The following CERT1 variants were observed in gnomAD, a reference collection of about 807,000 sequenced individuals.
CERT1 encodes the protein ceramide transfer protein.
In CERT1, 31 loss-of-function variants were observed where a neutral mutation model predicts 87.9. The observed-to-expected ratio is 0.35, with a 90% CI of 0.27 to 0.48. The LOEUF (loss-of-function observed/expected upper bound fraction) is 0.48. Ranked by LOEUF, CERT1 falls within the 20% of genes least tolerant of loss-of-function variation. The probability of loss-of-function intolerance (pLI) is 0.99; values close to 1 mark genes in which losing one functional copy is unlikely to be tolerated. For synonymous variants in CERT1, 289 were observed against 250.9 expected, an observed-to-expected ratio of 1.15 and a Z score of -1.44; for missense variants, 487 against 758.0, an observed-to-expected ratio of 0.64 and a Z score of 4.20.
chr5:75,395,841 C>G (rs1001223859), intron 11 of CERT1, among the ~76,000 whole-genome samples: 3 of 151,968 alleles, frequency 2.0e-5, no homozygotes, highest in Non-Finnish European at 4.4e-5. Context: ...CAGAATGAGA[C>G]TCTGTCTCAA....
At chr5:75,417,382 A>C (rs1218055915) in intron 6 of CERT1, among the ~76,000 whole-genome samples, 2 of 152,166 alleles carry the variant, frequency 1.3e-5, no homozygotes, top group African/African-American at 4.8e-5. Flanking sequence ...TATTATTTTG[A>C]AAAGCCTAGA....
chr5:75,471,322 G>A (rs1033791798), intron 2 of CERT1, among the ~76,000 whole-genome samples: 1 of 152,122 alleles, frequency 6.6e-6, no homozygotes. Flanking sequence ...GAATACTTTA[G>A]ACAATTATTA....
At chr5:75,388,434 C>T (rs903422735) in intron 12 of CERT1, among the ~76,000 whole-genome samples, 4 of 151,710 alleles carry the variant, frequency 2.6e-5, no homozygotes, top group African/African-American at 9.7e-5. Flanking sequence ...TCACCCTTGT[C>T]ACAACTTTCT....
chr5:75,374,791 C>A, downstream of CERT1: 1 of 542,506 alleles, frequency 1.8e-6, no homozygotes, highest in East Asian at 4.8e-5. Context: ...CCCCATGACC[C>A]CCACCAAAGC....
chr5:75,391,016 A>C (rs765954815), intron 11 of CERT1, among the ~76,000 whole-genome samples: 12 of 151,858 alleles, frequency 7.9e-5, no homozygotes, highest in Non-Finnish European at 1.5e-4. Context: ...CCCAGACTGC[A>C]GTACAGTAGT....
chr5:75,464,265 G>T (rs1297805383), intron 2 of CERT1, among the ~76,000 whole-genome samples: 1 of 152,086 alleles, frequency 6.6e-6, no homozygotes, highest in Admixed American at 6.6e-5. Context: ...CATGGATGGA[G>T]CTGAGACCAG....
chr5:75,426,574 T>C (rs995018901), intron 3 of CERT1, 96 bp from the exon 4 acceptor site: 9 of 835,366 alleles, frequency 1.1e-5, no homozygotes, highest in South Asian at 1.6e-5. Context: ...ATTATAACAA[T>C]TGGCAGTCTG....
chr5:75,459,023 T>C (rs1244606505), intron 3 of CERT1, 42 bp downstream of exon 3: 2 of 1,135,104 alleles, frequency 1.8e-6, no homozygotes, highest in Admixed American at 3.8e-5. Flanking sequence ...CAACAATCTC[T>C]TACCTAGTCC....
chr5:75,380,774 T>C (rs542268092), intron 16 of CERT1, among the ~76,000 whole-genome samples: 14 of 93,628 alleles, frequency 1.5e-4, no homozygotes, highest in African/African-American at 6.1e-4. Flanking sequence ...CGAGACTCCA[T>C]CTCAAAAAAA....
In CERT1 at chr5:75,484,517, T is replaced by A. The variant is rs368865608; in HGVS notation, c.231+21465A>T. 1.4e-3 allele frequency among the ~76,000 whole-genome samples: 198 copies of A among 144,718 alleles called. 1 individual carries two copies. The highest frequency in any genetic ancestry group is 4.8e-3 in the African/African-American group (190 of 39,640). The allele number at this position is 144,718 out of a possible 152,430, so 94.9% of individuals were successfully genotyped here. A position where few individuals can be genotyped will look rare whatever the true frequency, so the allele number is the denominator to read the frequency against. On this transcript the variant is annotated intron_variant, in intron 2 of 16. Coordinates refer to ENST00000643780, the MANE Select transcript of CERT1 (RefSeq NM_001379029.1). ...TGTTGCCTACAAGAAATACACGTCA[T>A]CTATAAAGACACAGACTGAAAATAA...
At chr5:75,371,443 G>A (rs764670863) in intron 17 of CERT1, 3 of 152,210 alleles carry the variant, frequency 2.0e-5, no homozygotes, top group Non-Finnish European at 4.4e-5. Flanking sequence ...AATAGCAATT[G>A]ACACTGAAGT....
intron 3 of CERT1, among the ~76,000 whole-genome samples, chr5:75,434,037 A>C (rs183659844): frequency 6.6e-5 from 10 of 152,046 alleles, no homozygotes; most frequent in Non-Finnish European, 1.2e-4. Context: ...GTTCAATAGG[A>C]GTGGTGAGAG....
At chr5:75,491,117 G>A (rs1766774431) in intron 2 of CERT1, among the ~76,000 whole-genome samples, 1 of 152,174 alleles carries the variant, frequency 6.6e-6, no homozygotes, top group South Asian at 2.1e-4. Context: ...ATAAACTAAA[G>A]GAAAGGATTT....
chr5:75,499,079 C>A (rs566046223), intron 2 of CERT1, among the ~76,000 whole-genome samples: 1 of 152,258 alleles, frequency 6.6e-6, no homozygotes, highest in South Asian at 2.1e-4. Context: ...CAATTTCTCC[C>A]ATTTGGAATA....
chr5:75,411,299 CTATT>C (rs1762925874), intron 7 of CERT1, among the ~76,000 whole-genome samples, 196 bp from the exon 8 acceptor site: 2 of 148,310 alleles, frequency 1.3e-5, no homozygotes, highest in South Asian at 4.7e-4. Flanking sequence ...TTACAACCTA[CTATT>C]TATGTATGTA....
intron 2 of CERT1, among the ~76,000 whole-genome samples, chr5:75,496,307 A>C (rs1376225703): frequency 6.6e-6 from 1 of 152,066 alleles, no homozygotes; most frequent in East Asian, 1.9e-4. Context: ...AAAAACCCAA[A>C]AAATGTGACA....
intron 4 of CERT1, 103 bp downstream of exon 4, chr5:75,426,268 T>C: frequency 1.5e-6 from 1 of 673,776 alleles, no homozygotes; most frequent in East Asian, 2.7e-5. Flanking sequence ...AATTATACTA[T>C]AAAAAAGTTT....
At chr5:75,499,091 G>A (rs1767219104) in intron 2 of CERT1, among the ~76,000 whole-genome samples, 1 of 152,172 alleles carries the variant, frequency 6.6e-6, no homozygotes, top group Non-Finnish European at 1.5e-5. Flanking sequence ...TTTGGAATAG[G>A]TGTATTTACC....
chr5:75,502,249 C>T (rs967220509), intron 2 of CERT1, among the ~76,000 whole-genome samples: 9 of 152,044 alleles, frequency 5.9e-5, no homozygotes, highest in African/African-American at 1.7e-4. Flanking sequence ...AATAAGATAC[C>T]ATTTTAATGT....
Sources: gnomAD v4.1 joint callset for allele counts (sites outside exome capture counted in the v4.1 genomes callset) on GRCh38, gnomAD v4.1.1 for gene constraint, MANE v1.5 for transcripts, NCBI Gene and HGNC (gene_info 2026-07-23, HGNC 2026-07-21) for gene names.